CDC73: variants seen among roughly 807,000 people sequenced by gnomAD.
The protein encoded by CDC73 is cell division cycle 73.
In CDC73, 21 loss-of-function variants were observed where a neutral mutation model predicts 83.7. The ratio of observed to expected loss-of-function variants is 0.25; its 90% CI spans 0.18 to 0.36. The LOEUF (loss-of-function observed/expected upper bound fraction) is 0.36. Ranked by LOEUF, CDC73 falls within the 10% of genes least tolerant of loss-of-function variation. CDC73 has a pLI of 1.00. For synonymous variants in CDC73, 224 were observed against 212.9 expected, an observed-to-expected ratio of 1.05 and a Z score of -0.45; for missense variants, 342 against 653.3, an observed-to-expected ratio of 0.52 and a Z score of 5.19.
At position 193,130,176 on chromosome 1, in the gene CDC73, TG is replaced by T; in HGVS notation, c.241del (p.Glu81LysfsTer28). On this transcript the variant is annotated frameshift_variant, in exon 3 of 17. Coordinates refer to ENST00000367435, the MANE Select transcript of CDC73 (RefSeq NM_024529.5). LOFTEE classifies it high-confidence loss of function. ...CTCATTTAAAATTTTGGTTTTAGAC[TG>T]AAAATATTCCTGTGGTTAGAAGACC... The part of the protein sequence containing the change: ...HPVYVRRAAT[E>X]NIPVVRRPDR... The T allele has an allele frequency of 6.4e-7, 1 of 1,572,956 alleles. No homozygotes were observed. The highest frequency in any genetic ancestry group is 8.7e-7 in the Non-Finnish European group (1 of 1,143,022).
intron 10 of CDC73, among the ~76,000 whole-genome samples, chr1:193,156,209 T>C (rs1335732481): frequency 6.6e-6 from 1 of 152,188 alleles, no homozygotes; most frequent in African/African-American, 2.4e-5. Flanking sequence ...TTCACTCTTA[T>C]TAGTGAGGAT....
chr1:193,254,564 T>C lies in CDC73; in HGVS notation c.*3852T>C, dbSNP rs2102078487. ...TATGTTGATCCCAGCATTGTTTATATCTGTTGGAATAATAACTAAGGAAAA... is the reference window on the plus strand; with the variant it reads ...TATGTTGATCCCAGCATTGTTTATACCTGTTGGAATAATAACTAAGGAAAA... On this transcript the variant is annotated 3_prime_UTR_variant, in exon 17 of 17. Coordinates refer to ENST00000367435, the MANE Select transcript of CDC73 (RefSeq NM_024529.5). 6.6e-6 allele frequency among the ~76,000 whole-genome samples: 1 copy of C among 152,272 alleles called. No individual in the cohort carries two copies. Among genetic ancestry groups the C allele is most frequent in the East Asian group, 1.9e-4 (1 of 5,190 alleles).
intron 5 of CDC73, among the ~76,000 whole-genome samples, chr1:193,136,807 G>A (rs1675809773): frequency 6.6e-6 from 1 of 152,070 alleles, no homozygotes; most frequent in African/African-American, 2.4e-5. Context: ...GCCCACCTCG[G>A]CCTCCCGAAG....
At chr1:193,234,173 TCTCACA>T (rs1253911794) in intron 14 of CDC73, among the ~76,000 whole-genome samples, 49 of 68,322 alleles carry the variant, frequency 7.2e-4, no homozygotes, top group African/African-American at 1.7e-3. Flanking sequence ...TCTCTCTCTC[TCTCACA>T]CACACACACA....
intron 13 of CDC73, among the ~76,000 whole-genome samples, chr1:193,215,459 G>C (rs1462112437): frequency 6.6e-6 from 1 of 152,110 alleles, no homozygotes; most frequent in South Asian, 2.1e-4. Flanking sequence ...GATCAATTTA[G>C]TAGTCTTATT....
intron 15 of CDC73, among the ~76,000 whole-genome samples, chr1:193,243,908 A>G (rs1677905231): frequency 1.3e-5 from 2 of 152,332 alleles, no homozygotes; most frequent in East Asian, 3.9e-4. Context: ...TTAGTTGTTA[A>G]CATCAAAAGC....
At chr1:193,239,943 C>A (rs891285791) in intron 15 of CDC73, among the ~76,000 whole-genome samples, 1 of 152,084 alleles carries the variant, frequency 6.6e-6, no homozygotes, top group Admixed American at 6.6e-5. Context: ...GAATTTATTT[C>A]TTCTACCTGT....
chr1:193,153,871 T>C (rs566620516), intron 10 of CDC73, among the ~76,000 whole-genome samples: 1 of 151,944 alleles, frequency 6.6e-6, no homozygotes, highest in Admixed American at 6.6e-5. Flanking sequence ...TCTCAGGAGG[T>C]AACAGTTGAG....
intron 14 of CDC73, among the ~76,000 whole-genome samples, chr1:193,235,563 TTAAG>T (rs1386969028): frequency 6.6e-6 from 1 of 152,212 alleles, no homozygotes; most frequent in Non-Finnish European, 1.5e-5. Flanking sequence ...CTCAATTCAA[TTAAG>T]TATTTTATAA....
At chr1:193,235,258 C>T (rs1167784402) in intron 14 of CDC73, among the ~76,000 whole-genome samples, 3 of 152,160 alleles carry the variant, frequency 2.0e-5, no homozygotes, top group Non-Finnish European at 4.4e-5. Context: ...TTCTTCTCTT[C>T]TTCCTTTTCT....
At chr1:193,188,832 G>A (rs941596294) in intron 10 of CDC73, among the ~76,000 whole-genome samples, 2 of 151,966 alleles carry the variant, frequency 1.3e-5, no homozygotes, top group African/African-American at 4.8e-5. Flanking sequence ...TGCTTGTTAT[G>A]GGACAAGTAT....
intron 15 of CDC73, among the ~76,000 whole-genome samples, 195 bp from the exon 16 acceptor site, chr1:193,249,535 A>G (rs191725640): frequency 1.4e-4 from 22 of 152,108 alleles, no homozygotes; most frequent in Non-Finnish European, 2.8e-4. Context: ...TCACTAGACT[A>G]TATGCATTTT....
intron 10 of CDC73, among the ~76,000 whole-genome samples, chr1:193,163,994 C>G (rs538561164): frequency 6.6e-6 from 1 of 152,172 alleles, no homozygotes; most frequent in East Asian, 1.9e-4. Flanking sequence ...GCCAGGCTGG[C>G]CTTGAACTCC....
In CDC73 at chr1:193,129,894, T is replaced by G. The variant is rs541413515; in HGVS notation, c.238-280T>G. Among the ~76,000 whole-genome samples, 187 of 152,342 alleles carry G rather than the reference T, an allele frequency of 1.2e-3. No homozygotes were observed. The highest frequency in any genetic ancestry group is 0.01 in the Middle Eastern group (3 of 294). On this transcript the variant is annotated intron_variant, in intron 2 of 16. Transcript: ENST00000367435. ...TTTTAGCCTAGTCATTTTGTTCAAA[T>G]GTGATTTAAAATATATTGTATCAAG...
At chr1:193,173,802 T>G (rs1251479959) in intron 10 of CDC73, among the ~76,000 whole-genome samples, 1 of 152,188 alleles carries the variant, frequency 6.6e-6, no homozygotes, top group Non-Finnish European at 1.5e-5. Context: ...AAAAACACAT[T>G]TATGACATGA....
intron 13 of CDC73, among the ~76,000 whole-genome samples, chr1:193,230,957 T>G (rs932048928): frequency 6.6e-6 from 1 of 152,172 alleles, no homozygotes; most frequent in Non-Finnish European, 1.5e-5. Context: ...TAATCAGAAA[T>G]TAACATGCTA....
At chr1:193,203,659 A>C (rs1168044536) in intron 10 of CDC73, 136 bp from the exon 11 acceptor site, 1 of 720,118 alleles carries the variant, frequency 1.4e-6, no homozygotes, top group East Asian at 2.7e-5. Context: ...AGGTCATAAC[A>C]TGTTCAGTGG....
intron 5 of CDC73, among the ~76,000 whole-genome samples, 176 bp from the exon 6 acceptor site, chr1:193,137,909 T>C (rs1228320437): frequency 6.6e-6 from 1 of 152,226 alleles, no homozygotes; most frequent in East Asian, 1.9e-4. Context: ...AGATTCAACA[T>C]ATATTTATTG....
At chr1:193,240,196 A>T (rs1411617360) in intron 15 of CDC73, among the ~76,000 whole-genome samples, 1 of 152,070 alleles carries the variant, frequency 6.6e-6, no homozygotes, top group Non-Finnish European at 1.5e-5. Flanking sequence ...AGATGACAGG[A>T]TTTCATTCTT....
Sources: gnomAD v4.1 joint callset for allele counts (sites outside exome capture counted in the v4.1 genomes callset) on GRCh38, gnomAD v4.1.1 for gene constraint, MANE v1.5 for transcripts, NCBI Gene and HGNC (gene_info 2026-07-23, HGNC 2026-07-21) for gene names.